Variants in RBFOX1 observed in about 807,000 individuals in gnomAD.
RBFOX1 encodes RNA binding protein fox-1 homolog 1.
Under a neutral mutation model 57.7 loss-of-function variants are expected in RBFOX1, and 8 were observed. The ratio of observed to expected loss-of-function variants is 0.14; its 90% CI spans 0.08 to 0.25. The LOEUF is 0.25. Ranked by LOEUF, RBFOX1 falls within the 10% of genes least tolerant of loss-of-function variation. The pLI, the probability that RBFOX1 is intolerant of heterozygous loss-of-function variation, is 1.00. For synonymous variants in RBFOX1, 326 were observed against 222.4 expected (o/e 1.47, Z -4.15); for missense variants, 611 against 548.5 (o/e 1.11, Z -1.14).
chr16:7,167,204 T>A (rs1156531194), intron 4 of RBFOX1, among the ~76,000 whole-genome samples: 1 of 151,634 alleles, frequency 6.6e-6, no homozygotes, highest in African/African-American at 2.4e-5. Flanking sequence ...CAGGCTGGTC[T>A]CAAACTCCTG....
chr16:6,219,084 A>G (rs1460487174), intron 1 of RBFOX1, among the ~76,000 whole-genome samples: 2 of 152,210 alleles, frequency 1.3e-5, no homozygotes, highest in Non-Finnish European at 2.9e-5. Flanking sequence ...AAGAGGGGCA[A>G]TAAAAAATCA....
intron 3 of RBFOX1, among the ~76,000 whole-genome samples, chr16:6,928,616 C>T (rs1304444530): frequency 1.3e-5 from 2 of 152,118 alleles, no homozygotes; most frequent in Non-Finnish European, 2.9e-5. Context: ...CCCTGTAGCT[C>T]CCAAGGTCTC....
At chr16:7,687,805 C>T (rs2076384122) in intron 14 of RBFOX1, among the ~76,000 whole-genome samples, 2 of 151,836 alleles carry the variant, frequency 1.3e-5, no homozygotes, top group Non-Finnish European at 2.9e-5. Context: ...ACCCAAAAGA[C>T]ACAACTGTTT....
At chr16:5,250,300 G>T (rs1303093338) in intron 1 of RBFOX1, among the ~76,000 whole-genome samples, 1 of 133,266 alleles carries the variant, frequency 7.5e-6, no homozygotes, top group East Asian at 2.1e-4. Context: ...TACATGTGCA[G>T]AATGTGCAGG....
At chr16:6,379,524 A>AG (rs1393534874) in intron 2 of RBFOX1, among the ~76,000 whole-genome samples, 6 of 152,136 alleles carry the variant, frequency 3.9e-5, no homozygotes, top group Middle Eastern at 3.2e-3. Context: ...ACTGAAAAAA[A>AG]CTGAGTATGA....
At chr16:6,483,705 G>C (rs1379022473) in intron 2 of RBFOX1, 1 of 1,428,384 alleles carries the variant, frequency 7.0e-7, no homozygotes, top group Non-Finnish European at 9.2e-7. Context: ...CGGGCGACAG[G>C]GGGAGGAGTG....
chr16:5,671,381 G>A (rs952629644), intron 3 of RBFOX1, among the ~76,000 whole-genome samples: 6 of 152,176 alleles, frequency 3.9e-5, no homozygotes, highest in African/African-American at 9.7e-5. Context: ...TAGGAATCCG[G>A]TTCTTTTCTA....
At chr16:6,355,290 C>G (rs948572350) in intron 2 of RBFOX1, among the ~76,000 whole-genome samples, 4 of 152,094 alleles carry the variant, frequency 2.6e-5, no homozygotes, top group African/African-American at 4.8e-5. Flanking sequence ...CCCCAGCCCC[C>G]CAGCCCCTAA....
intron 1 of RBFOX1, among the ~76,000 whole-genome samples, chr16:5,462,486 A>G (rs989617423): frequency 6.6e-6 from 1 of 152,146 alleles, no homozygotes; most frequent in African/African-American, 2.4e-5. Context: ...GTGAGTTTCT[A>G]ATGCACATGG....
intron 2 of RBFOX1, among the ~76,000 whole-genome samples, chr16:5,487,728 GT>G (rs966432531): frequency 6.6e-6 from 1 of 152,170 alleles, no homozygotes; most frequent in Non-Finnish European, 1.5e-5. Flanking sequence ...GGCATAGGAA[GT>G]TTTGTCACAC....
chr16:7,092,083 G>A (rs2060956390), intron 4 of RBFOX1, among the ~76,000 whole-genome samples: 1 of 152,086 alleles, frequency 6.6e-6, no homozygotes, highest in African/African-American at 2.4e-5. Flanking sequence ...CTGGAACACT[G>A]GTTAAACTCT....
chr16:6,093,552 A>C (rs1222683430), intron 1 of RBFOX1, among the ~76,000 whole-genome samples: 1 of 152,046 alleles, frequency 6.6e-6, no homozygotes, highest in East Asian at 1.9e-4. Context: ...CTTGTCTACA[A>C]TTTTTCTAAC....
At chr16:7,002,669 G>A (rs150846458) in intron 3 of RBFOX1, among the ~76,000 whole-genome samples, 2,639 of 152,270 alleles carry the variant, frequency 0.017, 94 homozygotes, top group African/African-American at 0.06. Flanking sequence ...CCGAGATTGC[G>A]CCACTGCACT....
intron 3 of RBFOX1, among the ~76,000 whole-genome samples, chr16:5,670,112 C>T (rs1285078490): frequency 6.6e-6 from 1 of 151,850 alleles, no homozygotes; most frequent in Admixed American, 6.6e-5. Flanking sequence ...TTCCATTTAC[C>T]TGAAGTGTCT....
chr16:6,424,740 T>C (rs532020864), intron 2 of RBFOX1, among the ~76,000 whole-genome samples: 1 of 152,126 alleles, frequency 6.6e-6, no homozygotes, highest in African/African-American at 2.4e-5. Context: ...ACTATAGGGA[T>C]GTGGAAAGAC....
rs566414784 is a variant in RBFOX1 at position 5,918,242 on chromosome 16, C to T, written c.351+50907C>T. On this transcript the variant is annotated intron_variant, in intron 4 of 19. Transcript: ENST00000641259. ...TCAAGTGATTCTCCTGCCTCAGCCTCCCGAGTAGCTGGGACTACAGGCAGC... is the reference window on the plus strand; with the variant it reads ...TCAAGTGATTCTCCTGCCTCAGCCTTCCGAGTAGCTGGGACTACAGGCAGC... Among the ~76,000 whole-genome samples the T allele has an allele frequency of 4.9e-4, 74 of 152,310 alleles. 1 individual carries two copies. Among genetic ancestry groups the T allele is most frequent in the Non-Finnish European group, 9.4e-4 (64 of 68,016 alleles).
At chr16:6,024,979 G>T (rs2095159496) in intron 1 of RBFOX1, among the ~76,000 whole-genome samples, 1 of 152,212 alleles carries the variant, frequency 6.6e-6, no homozygotes, top group South Asian at 2.1e-4. Context: ...ACGATCCAGA[G>T]GCTGGAATAG....
At chr16:7,179,091 C>G (rs2178716) in intron 4 of RBFOX1, among the ~76,000 whole-genome samples, 10,400 of 152,074 alleles carry the variant, frequency 0.068, 395 homozygotes, top group Non-Finnish European at 0.083. Flanking sequence ...GTACAAAGTT[C>G]AACTTCGTTT....
At chr16:6,016,768 G>T (rs2094996316), upstream of RBFOX1, among the ~76,000 whole-genome samples, 2 of 152,186 alleles carry the variant, frequency 1.3e-5, no homozygotes, top group African/African-American at 4.8e-5. Flanking sequence ...GTCAACTTCA[G>T]CACCTCTCAT....
Sources: allele counts gnomAD v4.1 joint callset (sites outside exome capture counted in the v4.1 genomes callset), GRCh38; gene constraint gnomAD v4.1.1; transcripts MANE v1.5; gene names NCBI Gene and HGNC (gene_info 2026-07-23, HGNC 2026-07-21).